The following LIMCH1 variants were observed in gnomAD, a reference collection of about 807,000 sequenced individuals.
LIMCH1 encodes LIM and calponin homology domains-containing protein 1.
LIMCH1 carries 113 observed loss-of-function variants against 176.5 expected under a neutral mutation model. That is an observed-to-expected ratio of 0.64 (90% CI 0.55 to 0.75). The LOEUF is 0.75. Among genes scored for constraint, LIMCH1 ranks in the 30% least tolerant of loss-of-function variants. LIMCH1 has a pLI of 0.00. For missense variants in LIMCH1, 1,674 were observed against 1,814.9 expected (o/e 0.92, Z 1.41); for synonymous variants, 619 against 645.9 (o/e 0.96, Z 0.63).
intron 1 of LIMCH1, among the ~76,000 whole-genome samples, chr4:41,488,666 A>G (rs1385594101): frequency 2.0e-5 from 3 of 152,134 alleles, no homozygotes; most frequent in Admixed American, 6.5e-5. Context: ...GATTTTTCTG[A>G]TGGTTAAAGT....
At chr4:41,372,371 T>C (rs2054103927) in intron 1 of LIMCH1, among the ~76,000 whole-genome samples, 1 of 152,222 alleles carries the variant, frequency 6.6e-6, no homozygotes, top group South Asian at 2.1e-4. Flanking sequence ...AGCCCTGTTA[T>C]TTTTAGTGTG....
intron 1 of LIMCH1, among the ~76,000 whole-genome samples, chr4:41,393,392 C>T (rs1481563503): frequency 3.3e-5 from 5 of 152,150 alleles, no homozygotes; most frequent in Admixed American, 1.3e-4. Context: ...ACTGTCACGG[C>T]AATAAAGTGT....
intron 1 of LIMCH1, among the ~76,000 whole-genome samples, chr4:41,438,596 C>T (rs1446424758): frequency 6.6e-6 from 1 of 152,176 alleles, no homozygotes; most frequent in Admixed American, 6.5e-5. Context: ...GCCTCGGCCT[C>T]CCAAAGTGCT....
At chr4:41,417,518 C>G (rs978812181) in intron 1 of LIMCH1, among the ~76,000 whole-genome samples, 4 of 152,104 alleles carry the variant, frequency 2.6e-5, no homozygotes, top group African/African-American at 9.7e-5. Flanking sequence ...GACTAGATTT[C>G]TGAGGGAGTT....
At chr4:41,428,927 C>G (rs1171292357) in intron 1 of LIMCH1, among the ~76,000 whole-genome samples, 1 of 152,210 alleles carries the variant, frequency 6.6e-6, no homozygotes, top group African/African-American at 2.4e-5. Flanking sequence ...GTGATTTCTT[C>G]CTTTCCCATC....
intron 4 of LIMCH1, chr4:41,612,495 T>A: frequency 1.4e-6 from 1 of 701,712 alleles, no homozygotes; most frequent in Non-Finnish European, 2.6e-6. Flanking sequence ...TGATATTAAA[T>A]TGAGGTTTAT....
chr4:41,485,050 T>TGTATATGTATATTAG (rs2069270791), intron 1 of LIMCH1, among the ~76,000 whole-genome samples: 1 of 152,238 alleles, frequency 6.6e-6, no homozygotes, highest in Non-Finnish European at 1.5e-5. Context: ...TGGAGCATAC[T>TGTATATGTATATTAG]CATATACAGT....
chr4:41,629,586 C>T lies in LIMCH1; in HGVS notation c.1123C>T (p.Pro375Ser), dbSNP rs1224120843. The T allele has an allele frequency of 8.5e-6, 13 of 1,535,960 alleles. No homozygotes were observed. The highest frequency in any genetic ancestry group is 1.4e-5 in the African/African-American group (1 of 73,004). ...TGTGGAAGGAGGACTCAGGAAGGTGCCAGATCTTCACAAGGATGACCTGGC... is the reference window on the plus strand; with the variant it reads ...TGTGGAAGGAGGACTCAGGAAGGTGTCAGATCTTCACAAGGATGACCTGGC... Reference protein sequence around the residue: ...EPVEGGLRKVPDLHKDDLAQQ... With the variant: ...EPVEGGLRKVSDLHKDDLAQQ... The change falls in exon 9 of 32, where the codon CCA (proline) becomes TCA (serine). Residue 375 changes from proline to serine, a missense_variant. Transcript: ENST00000503057.
chr4:41,584,318 G>A (rs2086059063), intron 1 of LIMCH1, among the ~76,000 whole-genome samples: 1 of 152,188 alleles, frequency 6.6e-6, no homozygotes, highest in Non-Finnish European at 1.5e-5. Context: ...TGGATTGAAA[G>A]TTGGGTTTTA....
intron 1 of LIMCH1, among the ~76,000 whole-genome samples, chr4:41,558,418 G>A (rs781153398): frequency 3.4e-4 from 52 of 152,168 alleles, no homozygotes; most frequent in Non-Finnish European, 6.5e-4. Context: ...GTCTGATTAT[G>A]CTTCTTTCCA....
At chr4:41,547,669 C>CATATATAATATATGTATGTTAT (rs2079679870) in intron 1 of LIMCH1, among the ~76,000 whole-genome samples, 1 of 142,986 alleles carries the variant, frequency 7.0e-6, no homozygotes, top group Non-Finnish European at 1.5e-5. Flanking sequence ...TAAATATATA[C>CATATATAATATATGTATGTTAT]ATATATAATA....
At chr4:41,689,376 A>G (rs958081222) in intron 29 of LIMCH1, 151 bp from the exon 30 acceptor site, 3 of 530,304 alleles carry the variant, frequency 5.7e-6, no homozygotes, top group African/African-American at 1.9e-5. Flanking sequence ...TTAATCTCCT[A>G]TTCATCATCA....
Position 41,646,768 on chromosome 4 carries a change from G to A in LIMCH1, c.2695G>A (p.Asp899Asn). The A allele has an allele frequency of 1.2e-6, 2 of 1,614,146 alleles. No homozygotes were observed. The highest frequency in any genetic ancestry group is 1.7e-6 in the Non-Finnish European group (2 of 1,180,028). ...CACCATTGCTCGTGCCAGTGTTCTG[G>A]ATACCAGCATGTCAGCAGGCAGTGG... ...ETTIARASVL[D>N]TSMSAGSGSP... The change falls in exon 17 of 32, where the codon GAT (aspartate) becomes AAT (asparagine). Residue 899 changes from aspartate (D) to asparagine (N), a missense_variant. By Grantham distance (23) the Asp-to-Asn change is conservative (BLOSUM62 1). Transcript: ENST00000503057.
chr4:41,466,299 G>A (rs1008964635), intron 1 of LIMCH1, among the ~76,000 whole-genome samples: 1 of 152,190 alleles, frequency 6.6e-6, no homozygotes, highest in Non-Finnish European at 1.5e-5. Context: ...CTCTACTCTA[G>A]ATCAGTAGTT....
intron 1 of LIMCH1, among the ~76,000 whole-genome samples, chr4:41,393,479 A>C (rs1323706948): frequency 3.9e-5 from 6 of 152,222 alleles, no homozygotes; most frequent in Non-Finnish European, 8.8e-5. Context: ...TATGGGTCCT[A>C]AAAGGCAATC....
At chr4:41,428,517 G>A (rs1042511160) in intron 1 of LIMCH1, among the ~76,000 whole-genome samples, 1 of 152,194 alleles carries the variant, frequency 6.6e-6, no homozygotes, top group Non-Finnish European at 1.5e-5. Flanking sequence ...GAGAAAGCAA[G>A]TAAATTGGGG....
At chr4:41,456,098 A>G (rs778085470) in intron 1 of LIMCH1, among the ~76,000 whole-genome samples, 10 of 152,148 alleles carry the variant, frequency 6.6e-5, no homozygotes, top group Non-Finnish European at 1.5e-4. Flanking sequence ...CAGCTGGATC[A>G]GTATCTTTGA....
At chr4:41,508,147 A>G (rs1276096188) in intron 2 of LIMCH1, among the ~76,000 whole-genome samples, 4 of 152,178 alleles carry the variant, frequency 2.6e-5, no homozygotes, top group Non-Finnish European at 5.9e-5. Flanking sequence ...GGGCAATGGT[A>G]TGAGATCAGT....
chr4:41,437,745 A>AG (rs1415759120), intron 1 of LIMCH1, among the ~76,000 whole-genome samples: 2 of 152,118 alleles, frequency 1.3e-5, no homozygotes, highest in Admixed American at 6.6e-5. Context: ...ATGTAAATTC[A>AG]ATTTTTTCCC....
Sources: gnomAD v4.1 joint callset for allele counts (sites outside exome capture counted in the v4.1 genomes callset) on GRCh38, gnomAD v4.1.1 for gene constraint, MANE v1.5 for transcripts, NCBI Gene and HGNC (gene_info 2026-07-23, HGNC 2026-07-21) for gene names.